Variants in CPEB3 observed in about 807,000 individuals in gnomAD.
CPEB3 encodes the protein cytoplasmic polyadenylation element binding protein 3, also known as cytoplasmic polyadenylation element-binding protein 3.
A neutral mutation model predicts 67.2 loss-of-function variants in CPEB3; 20 were observed. That is an observed-to-expected ratio of 0.30 (90% CI 0.21 to 0.43). CPEB3 has a LOEUF of 0.43. Among genes scored for constraint, CPEB3 ranks in the 20% least tolerant of loss-of-function variants. CPEB3 has a pLI of 1.00. For synonymous variants in CPEB3, 376 were observed against 393.1 expected, an observed-to-expected ratio of 0.96 and a Z score of 0.51; for missense variants, 746 against 968.6, an observed-to-expected ratio of 0.77 and a Z score of 3.05.
chr10:92,209,329 A>T (rs1045336833), intron 2 of CPEB3, among the ~76,000 whole-genome samples: 16 of 152,238 alleles, frequency 1.1e-4, no homozygotes, highest in Admixed American at 1.0e-3. Flanking sequence ...ATTTGAGACC[A>T]GCCTGGCCAA....
chr10:92,070,548 G>C (rs1842713472), intron 9 of CPEB3, among the ~76,000 whole-genome samples: 1 of 151,992 alleles, frequency 6.6e-6, no homozygotes, highest in South Asian at 2.1e-4. Flanking sequence ...AGGCCTAGGA[G>C]GGTGGATTAC....
rs548941360 is a variant in CPEB3, at chr10:92,060,762, G to T, written c.1870-8323C>A. On this transcript the variant is annotated intron_variant, in intron 9 of 9. Transcript: ENST00000265997. ...CAGATGGCAAACGGAATATGAAAAGGTGCTCAACATCACTGATCATCAGGG... is the reference window on the plus strand; with the variant it reads ...CAGATGGCAAACGGAATATGAAAAGTTGCTCAACATCACTGATCATCAGGG... Among the ~76,000 whole-genome samples the T allele has an allele frequency of 2.6e-5, 4 of 152,220 alleles. No individual in the cohort carries two copies. The East Asian group carries it at 7.7e-4, about 29-fold the overall frequency.
chr10:92,168,552 C>T (rs1385409413), intron 4 of CPEB3, among the ~76,000 whole-genome samples: 1 of 151,970 alleles, frequency 6.6e-6, no homozygotes, highest in Non-Finnish European at 1.5e-5. Context: ...TAGGAGAAAC[C>T]CGGTGGGAGG....
intron 1 of CPEB3, among the ~76,000 whole-genome samples, chr10:92,264,042 A>G (rs546414952): frequency 3.3e-5 from 5 of 152,080 alleles, no homozygotes; most frequent in African/African-American, 1.2e-4. Context: ...GAAATAATCA[A>G]TAATGGCTGG....
At chr10:92,257,599 C>T (rs1852574687) in intron 1 of CPEB3, among the ~76,000 whole-genome samples, 1 of 152,086 alleles carries the variant, frequency 6.6e-6, no homozygotes, top group African/African-American at 2.4e-5. Flanking sequence ...CAACAAATTG[C>T]TTTAGAAAGC....
chr10:92,231,079 G>A (rs1428664581), intron 2 of CPEB3, among the ~76,000 whole-genome samples: 1 of 152,098 alleles, frequency 6.6e-6, no homozygotes, highest in Non-Finnish European at 1.5e-5. Context: ...CATGGATCCA[G>A]GAAAACCCTT....
chr10:92,089,052 CAT>C (rs145773636), intron 8 of CPEB3, among the ~76,000 whole-genome samples: 1 of 152,294 alleles, frequency 6.6e-6, no homozygotes, highest in East Asian at 1.9e-4. Context: ...TTGCATGACA[CAT>C]ATTTTCTCAG....
chr10:92,115,317 C>G (rs1844963711), intron 6 of CPEB3, among the ~76,000 whole-genome samples: 1 of 152,196 alleles, frequency 6.6e-6, no homozygotes, highest in African/African-American at 2.4e-5. Context: ...CCACACCCGA[C>G]TAATTTTTGT....
At chr10:92,078,184 G>C (rs1716972742) in intron 9 of CPEB3, among the ~76,000 whole-genome samples, 1 of 152,058 alleles carries the variant, frequency 6.6e-6, no homozygotes, top group Non-Finnish European at 1.5e-5. Flanking sequence ...ACCCGCCCAA[G>C]GTCATATAAC....
At chr10:92,201,574 G>A (rs187168717) in intron 2 of CPEB3, among the ~76,000 whole-genome samples, 1 of 152,116 alleles carries the variant, frequency 6.6e-6, no homozygotes, top group Non-Finnish European at 1.5e-5. Flanking sequence ...AAAAATTAAA[G>A]TTGCCCCTTT....
At chr10:92,144,008 G>A (rs1846561940) in intron 5 of CPEB3, among the ~76,000 whole-genome samples, 1 of 152,172 alleles carries the variant, frequency 6.6e-6, no homozygotes, top group South Asian at 2.1e-4. Context: ...ATATCAGACA[G>A]TATTTTTATA....
chr10:92,105,682 T>C (rs1012389668), intron 7 of CPEB3, among the ~76,000 whole-genome samples: 2 of 151,792 alleles, frequency 1.3e-5, no homozygotes, highest in African/African-American at 2.4e-5. Flanking sequence ...CTAGGTTCTA[T>C]AGATACTGTG....
At chr10:92,115,447 T>C (rs1404841936) in intron 6 of CPEB3, among the ~76,000 whole-genome samples, 3 of 152,232 alleles carry the variant, frequency 2.0e-5, no homozygotes, top group African/African-American at 7.2e-5. Flanking sequence ...CCACTGCACC[T>C]GGCCGGGACT....
intron 9 of CPEB3, among the ~76,000 whole-genome samples, chr10:92,058,345 AG>A (rs1314782988): frequency 6.6e-6 from 1 of 152,148 alleles, no homozygotes; most frequent in Non-Finnish European, 1.5e-5. Context: ...CAGGAGTTTG[AG>A]ACTAGCCTGG....
rs541040681 is a variant in CPEB3 at position 92,216,637 on chromosome 10, T to C, written c.1005+22709A>G. ...TCCCAGTTAGGTGTGAGGACCGAAA[T>C]CTGCCCTATGTCTATATCCCCTCTA... On this transcript the variant is annotated intron_variant, in intron 2 of 9. Coordinates refer to ENST00000265997, the MANE Select transcript of CPEB3 (RefSeq NM_014912.5). 25 of 1,608,352 alleles carry C rather than the reference T, an allele frequency of 1.6e-5. No individual in the cohort carries two copies. The South Asian group carries it at 2.6e-4, about 17-fold the overall frequency.
At chr10:92,161,508 G>C (rs1483275769) in intron 4 of CPEB3, among the ~76,000 whole-genome samples, 1 of 150,072 alleles carries the variant, frequency 6.7e-6, no homozygotes, top group Non-Finnish European at 1.5e-5. Flanking sequence ...CCTGACCTCA[G>C]GTGATCCACC....
chr10:92,240,028 C>A lies in CPEB3; in HGVS notation c.323G>T (p.Gly108Val). The A allele has an allele frequency of 1.2e-6, 2 of 1,605,438 alleles. No homozygotes were observed. Among genetic ancestry groups the A allele is most frequent in the Non-Finnish European group, 1.7e-6 (2 of 1,176,272 alleles). The change falls in exon 2 of 10, where the codon GGC becomes GTC. Residue 108 changes from glycine (G) to valine (V), a missense_variant. By Grantham distance (109) the Gly-to-Val change is moderately radical. Coordinates refer to ENST00000265997, the MANE Select transcript of CPEB3 (RefSeq NM_014912.5). ...APGASLSPSF[G>V]STWSTGTTNA... ...GGTGGTGCCCGTGGACCAGGTGCTG[C>A]CGAAGGACGGCGACAGCGACGCGCC... is the stretch of plus-strand genomic sequence containing the variant.
Position 92,081,406 on chromosome 10 carries a change from G to A in CPEB3, c.1783C>T (p.Arg595Cys), listed in dbSNP as rs1158230101. 2 of 1,613,954 alleles carry A rather than the reference G, an allele frequency of 1.2e-6. No individual in the cohort carries two copies. Among genetic ancestry groups the A allele is most frequent in the African/African-American group, 1.3e-5 (1 of 74,876 alleles). Residue 595 changes from arginine to cysteine, a missense_variant, in exon 9 of 10, where the codon CGC (arginine) becomes TGC (cysteine). This residue lies in a region of CPEB3 where 103 missense variants were observed against 251.1 expected (regional missense o/e 0.41). Coordinates refer to ENST00000265997, the MANE Select transcript of CPEB3 (RefSeq NM_014912.5). ...PELKYPKGAG[R>C]VAFSNQQSYI... ...CTCTGCTGATTGGAGAATGCCACGC[G>A]GCCAGCACCTTTGGGGTACTTCAGC...
intron 2 of CPEB3, among the ~76,000 whole-genome samples, chr10:92,231,540 T>A (rs1316999062): frequency 6.6e-6 from 1 of 152,088 alleles, no homozygotes; most frequent in Non-Finnish European, 1.5e-5. Flanking sequence ...CCCTCCATTT[T>A]CGCAGACTGA....
Sources: allele counts gnomAD v4.1 joint callset (sites outside exome capture counted in the v4.1 genomes callset), GRCh38; gene constraint gnomAD v4.1.1; regional missense constraint gnomAD v4.1.1; transcripts MANE v1.5; gene names NCBI Gene and HGNC (gene_info 2026-07-23, HGNC 2026-07-21).